TET1: variants seen among roughly 807,000 people sequenced by gnomAD.
The protein encoded by TET1 is methylcytosine dioxygenase TET1.
A neutral mutation model predicts 148.7 loss-of-function variants in TET1; 13 were observed. The ratio of observed to expected loss-of-function variants is 0.09; its 90% CI spans 0.06 to 0.14. TET1 has a LOEUF of 0.14. Among genes scored for constraint, TET1 ranks in the 10% least tolerant of loss-of-function variants. TET1 has a pLI of 1.00. For synonymous variants in TET1, 907 were observed against 937.2 expected (o/e 0.97, Z 0.59); for missense variants, 2,182 against 2,553.8 (o/e 0.85, Z 3.14).
Position 68,691,832 on chromosome 10 carries a change from T to C in TET1, c.*18T>C, listed in dbSNP as rs995450719. On this transcript the variant is annotated 3_prime_UTR_variant, in exon 12 of 12. Coordinates refer to ENST00000373644, the MANE Select transcript of TET1 (RefSeq NM_030625.3). This position sits in a 1 kb window ranked among gnomAD's most constrained non-coding sequence, Gnocchi z 4.4. ...GGGTCTGAAGGCTTTTCTCCCCCTC[T>C]TAATGCCTTTGCTAGTGCAGTGTAT... 6.3e-7 allele frequency: 1 copy of C among 1,590,518 alleles called. No homozygotes were observed. The highest frequency in any genetic ancestry group is 1.4e-5 in the African/African-American group (1 of 73,866).
intron 2 of TET1, among the ~76,000 whole-genome samples, chr10:68,598,738 C>T (rs2054017294): frequency 6.7e-6 from 1 of 148,832 alleles, no homozygotes; most frequent in Admixed American, 6.8e-5. Flanking sequence ...CTGGCTCAGC[C>T]ATCTAGGCTG....
At chr10:68,601,112 G>A in intron 3 of TET1, 78 bp downstream of exon 3, 1 of 1,272,542 alleles carries the variant, frequency 7.9e-7, no homozygotes, top group South Asian at 1.3e-5. Flanking sequence ...GGTATATTTG[G>A]AGTACAGTAT....
intron 2 of TET1, among the ~76,000 whole-genome samples, chr10:68,596,378 CTCAAG>C (rs2053989531): frequency 6.6e-6 from 1 of 152,006 alleles, no homozygotes; most frequent in African/African-American, 2.4e-5. Context: ...ATGGTACATG[CTCAAG>C]TCAAGTTCTA....
chr10:68,599,612 A>G (rs917278561), intron 2 of TET1, among the ~76,000 whole-genome samples: 2 of 151,718 alleles, frequency 1.3e-5, no homozygotes, highest in African/African-American at 4.8e-5. Flanking sequence ...GGTTTGTTCT[A>G]CCCCTGGCTC....
chr10:68,679,913 A>G (rs2055413983), intron 8 of TET1, among the ~76,000 whole-genome samples: 2 of 152,202 alleles, frequency 1.3e-5, no homozygotes, highest in South Asian at 2.1e-4. Flanking sequence ...ACCTCAGGTG[A>G]TCTGCCCACC....
intron 3 of TET1, among the ~76,000 whole-genome samples, chr10:68,636,987 G>A (rs942629613): frequency 2.0e-5 from 2 of 101,832 alleles, no homozygotes; most frequent in African/African-American, 7.3e-5. Context: ...CTCGTTGTGT[G>A]TGTGTGTGTG....
intron 3 of TET1, among the ~76,000 whole-genome samples, chr10:68,616,475 T>C (rs187359955): frequency 6.4e-4 from 98 of 152,318 alleles, no homozygotes; most frequent in African/African-American, 2.2e-3. Context: ...TTGGTTAAGG[T>C]GTATCTGCCA....
chr10:68,683,589 T>C (rs1385946764), intron 10 of TET1, among the ~76,000 whole-genome samples: 6 of 150,970 alleles, frequency 4.0e-5, no homozygotes, highest in Non-Finnish European at 3.0e-5. Flanking sequence ...ATTTTTTGTA[T>C]TTTTAGTAGA....
intron 2 of TET1, among the ~76,000 whole-genome samples, chr10:68,597,412 A>T (rs1484827562): frequency 6.6e-6 from 1 of 152,130 alleles, no homozygotes; most frequent in African/African-American, 2.4e-5. Context: ...CCTGGAAAAA[A>T]ATGTTCATTT....
At chr10:68,588,142 G>T (rs565751180) in intron 2 of TET1, among the ~76,000 whole-genome samples, 201 of 152,264 alleles carry the variant, frequency 1.3e-3, no homozygotes, top group Non-Finnish European at 2.0e-3. Context: ...GATTACAGGC[G>T]TCGGCCACCT....
chr10:68,689,256 C>T (rs1253871742), intron 11 of TET1, among the ~76,000 whole-genome samples: 1 of 152,178 alleles, frequency 6.6e-6, no homozygotes, highest in East Asian at 1.9e-4. Context: ...CAGGTTGTAG[C>T]ATCTGAGAGG....
chr10:68,629,306 A>G (rs966265142), intron 3 of TET1, among the ~76,000 whole-genome samples: 7 of 152,030 alleles, frequency 4.6e-5, no homozygotes, highest in African/African-American at 1.7e-4. Context: ...CAGAGGTTGC[A>G]GTGAGCCGAG....
chr10:68,596,187 G>A (rs902659802), intron 2 of TET1, among the ~76,000 whole-genome samples: 15 of 150,394 alleles, frequency 1.0e-4, no homozygotes, highest in African/African-American at 2.7e-4. Flanking sequence ...TTACAGGCAC[G>A]TGCCACCATG....
chr10:68,640,507 T>C (rs1447411091), intron 3 of TET1, among the ~76,000 whole-genome samples: 2 of 146,978 alleles, frequency 1.4e-5, no homozygotes, highest in Non-Finnish European at 1.5e-5. Flanking sequence ...CGTGAGCCAC[T>C]GTGCTTGGCC....
rs140941134 is a variant in TET1 at position 68,611,617 on chromosome 10, A to G, written c.1968+10583A>G. 1.5e-3 allele frequency among the ~76,000 whole-genome samples: 233 copies of G among 151,282 alleles called. 3 individuals carry two copies. The highest frequency in any genetic ancestry group is 0.013 in the Admixed American group (193 of 15,180). On this transcript the variant is annotated intron_variant, in intron 3 of 11. Coordinates refer to ENST00000373644, the MANE Select transcript of TET1 (RefSeq NM_030625.3). ...CAATGAGTTGTAATCATGCTACTGC[A>G]CTCCAGCCTAGGCCAATTGTCAGAG...
chr10:68,683,013 A>G, intron 10 of TET1, 40 bp downstream of exon 10: 1 of 1,606,798 alleles, frequency 6.2e-7, no homozygotes, highest in Non-Finnish European at 8.5e-7. Context: ...AAGCTCCATC[A>G]CTATATGCTT....
chr10:68,652,887 G>A (rs1001402529), intron 6 of TET1, among the ~76,000 whole-genome samples: 7 of 130,548 alleles, frequency 5.4e-5, no homozygotes, highest in African/African-American at 1.7e-4. Flanking sequence ...GAGCTCAAGT[G>A]ATCCTCCCGC....
At chr10:68,686,280 C>T (rs2055506838) in intron 10 of TET1, 76 bp from the exon 11 acceptor site, 3 of 1,272,748 alleles carry the variant, frequency 2.4e-6, no homozygotes, top group Non-Finnish European at 3.3e-6. Flanking sequence ...AAGGCAACAA[C>T]ACGAAGGTAG....
At chr10:68,648,177 T>A (rs1357943957) in intron 4 of TET1, among the ~76,000 whole-genome samples, 1 of 152,200 alleles carries the variant, frequency 6.6e-6, no homozygotes, top group East Asian at 1.9e-4. Flanking sequence ...GAGAACATTC[T>A]GAACCAATTA....
Sources: gnomAD v4.1 joint callset for allele counts (sites outside exome capture counted in the v4.1 genomes callset) on GRCh38, gnomAD v4.1.1 for gene constraint, Gnocchi (gnomAD v3.1) non-coding constraint, MANE v1.5 for transcripts, NCBI Gene and HGNC (gene_info 2026-07-23, HGNC 2026-07-21) for gene names.